FSHR: variants seen among roughly 807,000 people sequenced by gnomAD.
FSHR encodes the protein follicle-stimulating hormone receptor.
FSHR carries 46 observed loss-of-function variants against 52.1 expected under a neutral mutation model. The ratio of observed to expected loss-of-function variants is 0.88; its 90% CI spans 0.70 to 1.13. FSHR has a LOEUF of 1.13. Among genes scored for constraint, FSHR ranks in the 50% most tolerant of loss-of-function variants. The pLI is 0.00. For synonymous variants in FSHR, 399 were observed against 309.6 expected (o/e 1.29, Z -3.03); for missense variants, 964 against 834.6 (o/e 1.16, Z -1.91).
intron 4 of FSHR, among the ~76,000 whole-genome samples, chr2:49,000,159 G>A (rs1676193831): frequency 6.6e-6 from 1 of 152,064 alleles, no homozygotes; most frequent in Non-Finnish European, 1.5e-5. Context: ...GCACATTTTA[G>A]GATGGATCTC....
chr2:49,116,439 A>T (rs1671603372), intron 1 of FSHR, among the ~76,000 whole-genome samples: 1 of 152,168 alleles, frequency 6.6e-6, no homozygotes, highest in African/African-American at 2.4e-5. Flanking sequence ...AGTCTTTGTT[A>T]GGCTACTTGT....
chr2:49,017,574 A>C lies in FSHR; in HGVS notation c.300-11T>G. 6.3e-7 allele frequency: 1 copy of C among 1,599,686 alleles called. No individual in the cohort carries two copies. The highest frequency in any genetic ancestry group is 8.6e-7 in the Non-Finnish European group (1 of 1,167,188). On this transcript the variant is annotated splice_polypyrimidine_tract_variant and intron_variant, in intron 3 of 9. Transcript: ENST00000406846. Reference sequence around the variant, plus strand: ...GCCTTTTCAATTCTACTGTAAAAGAAGAAAAAACATGCTAGTGATCTTGAT... The same window carrying C: ...GCCTTTTCAATTCTACTGTAAAAGACGAAAAAACATGCTAGTGATCTTGAT...
intron 8 of FSHR, among the ~76,000 whole-genome samples, chr2:48,981,711 T>C (rs1675255426): frequency 6.6e-6 from 1 of 152,204 alleles, no homozygotes; most frequent in Admixed American, 6.5e-5. Flanking sequence ...ATATTTAAAA[T>C]TCTGACTCTC....
chr2:49,057,250 C>T (rs1028849517), intron 2 of FSHR, among the ~76,000 whole-genome samples: 1 of 151,552 alleles, frequency 6.6e-6, no homozygotes, highest in Non-Finnish European at 1.5e-5. Context: ...AAATGATAAG[C>T]CAAATGAACA....
chr2:49,021,356 C>G lies in FSHR; in HGVS notation c.225-1196G>C, dbSNP rs138539980. On this transcript the variant is annotated intron_variant, in intron 2 of 9. Coordinates refer to ENST00000406846, the MANE Select transcript of FSHR (RefSeq NM_000145.4). Reference sequence around the variant, plus strand: ...CAGTTAATATTTATAAAGTGTCTCACAGATGAAATGTGCTATTATTAGGCC... The same window carrying G: ...CAGTTAATATTTATAAAGTGTCTCAGAGATGAAATGTGCTATTATTAGGCC... Among the ~76,000 whole-genome samples the G allele has an allele frequency of 5.1e-3, 777 of 152,268 alleles. 6 individuals are homozygous for G. The highest frequency in any genetic ancestry group is 7.9e-3 in the Non-Finnish European group (539 of 68,020).
chr2:49,085,363 C>G (rs28831485), intron 1 of FSHR, among the ~76,000 whole-genome samples: 1 of 152,212 alleles, frequency 6.6e-6, no homozygotes, highest in South Asian at 2.1e-4. Context: ...TAAGAGCTAT[C>G]TATGACAAAC....
intron 4 of FSHR, among the ~76,000 whole-genome samples, chr2:49,002,072 C>A (rs1462241210): frequency 4.6e-5 from 7 of 152,102 alleles, no homozygotes; most frequent in Non-Finnish European, 1.0e-4. Context: ...TTGGGGAATT[C>A]AGTTAGCATT....
intron 2 of FSHR, 128 bp from the exon 3 acceptor site, chr2:49,020,288 A>G (rs952022734): frequency 1.2e-6 from 1 of 812,616 alleles, no homozygotes; most frequent in Non-Finnish European, 2.1e-6. Flanking sequence ...CTGCCATTAA[A>G]GAAGTCAGCT....
chr2:49,079,138 C>T (rs1283014227), intron 1 of FSHR, among the ~76,000 whole-genome samples: 1 of 151,586 alleles, frequency 6.6e-6, no homozygotes, highest in Non-Finnish European at 1.5e-5. Flanking sequence ...ACAGTGACCA[C>T]AAAAGTTATA....
intron 5 of FSHR, among the ~76,000 whole-genome samples, chr2:48,990,275 G>A (rs1200913437): frequency 1.3e-5 from 2 of 151,274 alleles, no homozygotes; most frequent in Admixed American, 1.3e-4. Flanking sequence ...TGTGTGGGGG[G>A]CAGTAATTAA....
intron 1 of FSHR, among the ~76,000 whole-genome samples, chr2:49,092,738 T>G (rs1353338047): frequency 6.6e-6 from 1 of 152,170 alleles, no homozygotes; most frequent in African/African-American, 2.4e-5. Flanking sequence ...TGATCTCGGC[T>G]CACTGCAACC....
chr2:49,023,194 C>G (rs1486207252), intron 2 of FSHR, among the ~76,000 whole-genome samples: 2 of 152,190 alleles, frequency 1.3e-5, no homozygotes, highest in Admixed American at 6.5e-5. Context: ...TTCCTATTGT[C>G]TAGCTTCTCA....
chr2:49,049,672 T>C lies in FSHR; in HGVS notation c.224+18547A>G, dbSNP rs1668783115. 2.0e-5 allele frequency among the ~76,000 whole-genome samples: 3 copies of C among 152,066 alleles called. No individual in the cohort carries two copies. In the South Asian group the frequency reaches 6.2e-4, roughly 32 times the overall value. Reference sequence around the variant, plus strand: ...CTGTATTTTCTTCGTTGTAATCCCTTTCAGCCAAGGAAATCCCACTCTAAC... The same window carrying C: ...CTGTATTTTCTTCGTTGTAATCCCTCTCAGCCAAGGAAATCCCACTCTAAC... On this transcript the variant is annotated intron_variant, in intron 2 of 9. Coordinates refer to ENST00000406846, the MANE Select transcript of FSHR (RefSeq NM_000145.4).
At chr2:49,077,393 C>T (rs915119169) in intron 1 of FSHR, among the ~76,000 whole-genome samples, 8 of 152,162 alleles carry the variant, frequency 5.3e-5, no homozygotes, top group Admixed American at 5.2e-4. Context: ...CGCTAAGTCC[C>T]TAGGCTGCAC....
intron 1 of FSHR, among the ~76,000 whole-genome samples, chr2:49,126,780 T>G (rs534367939): frequency 6.6e-6 from 1 of 152,320 alleles, no homozygotes; most frequent in East Asian, 1.9e-4. Context: ...AGCCCAGGTC[T>G]TTTCACTTCT....
intron 8 of FSHR, among the ~76,000 whole-genome samples, chr2:48,972,538 C>T (rs1674788766): frequency 6.6e-6 from 1 of 152,182 alleles, no homozygotes; most frequent in Admixed American, 6.5e-5. Context: ...TTTCTGGTTT[C>T]TCTCTTTTGG....
intron 6 of FSHR, among the ~76,000 whole-genome samples, chr2:48,987,871 C>CACAT (rs1491573311): frequency 6.7e-6 from 1 of 150,304 alleles, no homozygotes; most frequent in Admixed American, 6.6e-5. Context: ...CACACACACA[C>CACAT]CCCTTCACTT....
chr2:49,080,048 A>G (rs1350415292), intron 1 of FSHR, among the ~76,000 whole-genome samples: 2 of 152,224 alleles, frequency 1.3e-5, no homozygotes, highest in Non-Finnish European at 1.5e-5. Flanking sequence ...AGATATGAAC[A>G]GGCAATTTAT....
intron 1 of FSHR, among the ~76,000 whole-genome samples, chr2:49,078,071 G>A (rs1378796879): frequency 6.6e-6 from 1 of 152,054 alleles, no homozygotes; most frequent in Non-Finnish European, 1.5e-5. Flanking sequence ...CACTCTACTG[G>A]TACAAATTTA....
Sources: allele counts gnomAD v4.1 joint callset (sites outside exome capture counted in the v4.1 genomes callset), GRCh38; gene constraint gnomAD v4.1.1; transcripts MANE v1.5; gene names NCBI Gene and HGNC (gene_info 2026-07-23, HGNC 2026-07-21).